Variants in GRIK2 observed in about 807,000 individuals in gnomAD.
GRIK2 encodes glutamate receptor ionotropic, kainate 2.
Under a neutral mutation model 100.3 loss-of-function variants are expected in GRIK2, and 32 were observed. The ratio of observed to expected loss-of-function variants is 0.32; its 90% CI spans 0.24 to 0.43. The LOEUF (loss-of-function observed/expected upper bound fraction) is 0.43, where lower values mean the gene tolerates loss of function less well. Ranked by LOEUF, GRIK2 falls within the 20% of genes least tolerant of loss-of-function variation. The pLI is 1.00. For synonymous variants in GRIK2, 417 were observed against 389.4 expected (o/e 1.07, Z -0.83); for missense variants, 843 against 1,114.9 (o/e 0.76, Z 3.47).
At chr6:101,479,593 G>C (rs1029576383) in intron 2 of GRIK2, among the ~76,000 whole-genome samples, 1 of 151,720 alleles carries the variant, frequency 6.6e-6, no homozygotes, top group Non-Finnish European at 1.5e-5. Flanking sequence ...TTGTAATTTC[G>C]GCATGGTTTT....
intron 14 of GRIK2, among the ~76,000 whole-genome samples, chr6:101,929,194 A>T (rs946936722): frequency 2.0e-5 from 3 of 152,172 alleles, no homozygotes; most frequent in African/African-American, 7.2e-5. Flanking sequence ...CCTGTGGAAC[A>T]TTTAAATGAA....
chr6:101,581,164 A>T (rs1778065286), intron 2 of GRIK2, among the ~76,000 whole-genome samples: 2 of 134,978 alleles, frequency 1.5e-5, no homozygotes, highest in Admixed American at 1.5e-4. Flanking sequence ...GGAGATATAT[A>T]TACATATATA....
At chr6:101,867,098 T>G (rs1028127411) in intron 11 of GRIK2, among the ~76,000 whole-genome samples, 12 of 152,066 alleles carry the variant, frequency 7.9e-5, no homozygotes, top group African/African-American at 2.9e-4. Context: ...CAGATTTAGT[T>G]CTTTCATCCA....
chr6:102,042,894 A>G (rs1480624187), intron 15 of GRIK2, among the ~76,000 whole-genome samples: 1 of 151,732 alleles, frequency 6.6e-6, no homozygotes, highest in African/African-American at 2.4e-5. Flanking sequence ...TAACTAATAT[A>G]TATGAAATAT....
At chr6:101,767,594 C>A (rs1179983125) in intron 7 of GRIK2, among the ~76,000 whole-genome samples, 1 of 151,686 alleles carries the variant, frequency 6.6e-6, no homozygotes, top group East Asian at 1.9e-4. Flanking sequence ...TTTTTTAAAG[C>A]AAATTATTGT....
At chr6:101,527,366 CAAAAG>C (rs1049507403) in intron 2 of GRIK2, among the ~76,000 whole-genome samples, 5 of 151,964 alleles carry the variant, frequency 3.3e-5, no homozygotes, top group African/African-American at 1.2e-4. Flanking sequence ...CCTTCAGAAA[CAAAAG>C]AAAGGAGGTC....
At chr6:101,879,270 A>G (rs1028510262) in intron 11 of GRIK2, among the ~76,000 whole-genome samples, 1 of 152,054 alleles carries the variant, frequency 6.6e-6, no homozygotes, top group African/African-American at 2.4e-5. Context: ...CTAATGCTTA[A>G]CCTATTTCCC....
At chr6:101,548,547 A>T (rs1257623075) in intron 2 of GRIK2, among the ~76,000 whole-genome samples, 1 of 152,194 alleles carries the variant, frequency 6.6e-6, no homozygotes, top group Admixed American at 6.5e-5. Flanking sequence ...ATGGCTAGCC[A>T]GTTTTCCCAG....
intron 4 of GRIK2, among the ~76,000 whole-genome samples, chr6:101,651,374 A>T (rs1164933903): frequency 6.6e-6 from 1 of 152,118 alleles, no homozygotes; most frequent in African/African-American, 2.4e-5. Flanking sequence ...AGCTCTTACC[A>T]TGTGTTAGAC....
intron 2 of GRIK2, among the ~76,000 whole-genome samples, chr6:101,553,788 AAG>A (rs1776618061): frequency 6.6e-6 from 1 of 152,250 alleles, no homozygotes; most frequent in South Asian, 2.1e-4. Flanking sequence ...GAAAATTGGA[AAG>A]AGTCAGAATT....
intron 2 of GRIK2, among the ~76,000 whole-genome samples, chr6:101,399,893 C>A (rs943467425): frequency 6.6e-6 from 1 of 152,214 alleles, no homozygotes; most frequent in Non-Finnish European, 1.5e-5. Flanking sequence ...CTTTTGATTT[C>A]TTTTTCCAGA....
chr6:101,805,977 T>C lies in GRIK2; in HGVS notation c.1203+3539T>C, dbSNP rs76535052. 6.9e-3 allele frequency among the ~76,000 whole-genome samples: 1,051 copies of C among 152,092 alleles called. 17 individuals carry two copies. Among genetic ancestry groups the C allele is most frequent in the African/African-American group, 0.024 (1,014 of 41,526 alleles). ...ATCCTTTCTACTTAGATGGTGTCCA[T>C]AGATCAAATGAATTCTTTCTACTCT... On this transcript the variant is annotated intron_variant, in intron 9 of 16. Transcript: ENST00000369134.
At chr6:101,454,883 C>T (rs192499769) in intron 2 of GRIK2, among the ~76,000 whole-genome samples, 166 of 152,158 alleles carry the variant, frequency 1.1e-3, no homozygotes, top group Non-Finnish European at 1.1e-3. Context: ...CAGACATTTT[C>T]CATGAACATT....
intron 12 of GRIK2, among the ~76,000 whole-genome samples, chr6:101,897,083 A>G (rs183228330): frequency 6.6e-6 from 1 of 151,380 alleles, no homozygotes; most frequent in Non-Finnish European, 1.5e-5. Flanking sequence ...CGTATAAAAA[A>G]TTTTTTTAAA....
intron 14 of GRIK2, among the ~76,000 whole-genome samples, chr6:101,934,592 T>G (rs1256729030): frequency 6.6e-6 from 1 of 151,888 alleles, no homozygotes; most frequent in African/African-American, 2.4e-5. Context: ...CATTGAGAGA[T>G]AAAATGTAAA....
At chr6:101,751,127 G>T (rs981979286) in intron 7 of GRIK2, among the ~76,000 whole-genome samples, 1 of 151,958 alleles carries the variant, frequency 6.6e-6, no homozygotes, top group Non-Finnish European at 1.5e-5. Context: ...TTGTAGAGAT[G>T]GGGGTCCCAC....
chr6:101,989,136 C>T (rs1223986668), intron 14 of GRIK2, among the ~76,000 whole-genome samples: 1 of 151,902 alleles, frequency 6.6e-6, no homozygotes, highest in African/African-American at 2.4e-5. Context: ...AGAATCTTTC[C>T]ATGATATGTT....
intron 2 of GRIK2, among the ~76,000 whole-genome samples, chr6:101,544,578 AT>A (rs1776149020): frequency 6.6e-6 from 1 of 152,006 alleles, no homozygotes; most frequent in African/African-American, 2.4e-5. Context: ...TCTCTCAATT[AT>A]TATTTTATTT....
At chr6:101,540,485 G>A (rs1447618338) in intron 2 of GRIK2, among the ~76,000 whole-genome samples, 1 of 151,762 alleles carries the variant, frequency 6.6e-6, no homozygotes, top group Non-Finnish European at 1.5e-5. Flanking sequence ...TCACATGCCT[G>A]AATCAAAACA....
Sources: allele counts gnomAD v4.1 joint callset (sites outside exome capture counted in the v4.1 genomes callset), GRCh38; gene constraint gnomAD v4.1.1; transcripts MANE v1.5; gene names NCBI Gene and HGNC (gene_info 2026-07-23, HGNC 2026-07-21).